VTI1A: variants seen among roughly 807,000 people sequenced by gnomAD.
The protein encoded by VTI1A is vesicle transport through interaction with t-SNAREs homolog 1A.
In VTI1A, 22 loss-of-function variants were observed where a neutral mutation model predicts 34.9. That is an observed-to-expected ratio of 0.63 (90% CI 0.45 to 0.90). The LOEUF (loss-of-function observed/expected upper bound fraction) is 0.90, where lower values mean the gene tolerates loss of function less well. VTI1A is among the 40% of genes least tolerant of loss of function. The pLI is 0.00. For missense variants in VTI1A, 268 were observed against 275.6 expected, an observed-to-expected ratio of 0.97 and a Z score of 0.20; for synonymous variants, 87 against 97.3, an observed-to-expected ratio of 0.89 and a Z score of 0.62.
chr10:112,526,982 TA>T (rs1246202205), intron 3 of VTI1A, 104 bp from the exon 4 acceptor site: 8 of 1,037,804 alleles, frequency 7.7e-6, no homozygotes, highest in Non-Finnish European at 1.1e-5. Context: ...AGGTTTCCAT[TA>T]GGGGGCTCTC....
chr10:112,737,791 A>G, intron 7 of VTI1A: 1 of 1,059,460 alleles, frequency 9.4e-7, no homozygotes, highest in Non-Finnish European at 1.1e-6. Flanking sequence ...AAAATTACAA[A>G]TTGATGATTT....
chr10:112,751,117 G>A (rs917961891), intron 7 of VTI1A, among the ~76,000 whole-genome samples: 1 of 152,144 alleles, frequency 6.6e-6, no homozygotes, highest in Non-Finnish European at 1.5e-5. Flanking sequence ...GGATATGAAG[G>A]TTCATAGTCC....
At chr10:112,827,581 G>T in the VTI1A span, 2 of 151,776 alleles carry the variant, frequency 1.3e-5, no homozygotes, top group African/African-American at 2.4e-5. Context: ...CTATTTATTT[G>T]CTTTATTCCA....
chr10:112,568,392 A>G (rs916540020), intron 5 of VTI1A, among the ~76,000 whole-genome samples: 1 of 152,084 alleles, frequency 6.6e-6, no homozygotes, highest in African/African-American at 2.4e-5. Context: ...CTGTAATCCC[A>G]GTTACTCGAG....
intron 7 of VTI1A, among the ~76,000 whole-genome samples, chr10:112,687,249 T>TTTTTTTTTA (rs1848446909): frequency 7.4e-6 from 1 of 134,484 alleles, no homozygotes; most frequent in African/African-American, 3.5e-5. Flanking sequence ...TTTTTTTTTT[T>TTTTTTTTTA]TTGAGACGGA....
At chr10:112,509,405 C>A (rs1223425747) in intron 3 of VTI1A, among the ~76,000 whole-genome samples, 1 of 151,666 alleles carries the variant, frequency 6.6e-6, no homozygotes, top group Non-Finnish European at 1.5e-5. Context: ...AGAAAGTAGC[C>A]CCAAAACTCA....
intron 7 of VTI1A, among the ~76,000 whole-genome samples, chr10:112,756,619 G>A (rs1851290954): frequency 6.6e-6 from 1 of 152,160 alleles, no homozygotes; most frequent in Non-Finnish European, 1.5e-5. Context: ...GGTACTGTTA[G>A]CTTAGTTGGA....
intron 5 of VTI1A, among the ~76,000 whole-genome samples, chr10:112,628,092 A>G (rs1845991668): frequency 6.6e-6 from 1 of 152,142 alleles, no homozygotes; most frequent in Non-Finnish European, 1.5e-5. Flanking sequence ...ACTGTCCTGT[A>G]CCTTAATTTT....
chr10:112,555,740 T>C (rs140168845), intron 5 of VTI1A, among the ~76,000 whole-genome samples: 15 of 152,160 alleles, frequency 9.9e-5, no homozygotes, highest in Middle Eastern at 3.4e-3. Context: ...TTCTTCATTA[T>C]TACCCTACTT....
chr10:112,508,552 A>G (rs1849507884), intron 3 of VTI1A, among the ~76,000 whole-genome samples: 1 of 152,224 alleles, frequency 6.6e-6, no homozygotes, highest in African/African-American at 2.4e-5. Flanking sequence ...AGCTGTGTTC[A>G]TATTGTGAGT....
chr10:112,474,399 T>C (rs1407213052), intron 3 of VTI1A, among the ~76,000 whole-genome samples: 1 of 151,774 alleles, frequency 6.6e-6, no homozygotes, highest in Non-Finnish European at 1.5e-5. Context: ...ATATATTATG[T>C]GCATGTGCAT....
intron 1 of VTI1A, among the ~76,000 whole-genome samples, chr10:112,458,162 A>T (rs145652666): frequency 1.3e-5 from 2 of 152,276 alleles, no homozygotes; most frequent in Admixed American, 1.3e-4. Flanking sequence ...TTATTTTGCT[A>T]ATGAGAAAAA....
intron 5 of VTI1A, among the ~76,000 whole-genome samples, chr10:112,647,198 A>T (rs141398463): frequency 6.6e-6 from 1 of 152,246 alleles, no homozygotes; most frequent in African/African-American, 2.4e-5. Flanking sequence ...AAACGGCTTA[A>T]CTCTCTAGCC....
intron 7 of VTI1A, among the ~76,000 whole-genome samples, chr10:112,677,425 A>G (rs776716465): frequency 6.6e-6 from 1 of 152,194 alleles, no homozygotes; most frequent in Non-Finnish European, 1.5e-5. Flanking sequence ...ATGTATTGTA[A>G]TTATTATCAA....
chr10:112,447,360 G>T lies in VTI1A; in HGVS notation c.-14G>T, dbSNP rs775988341. 1.2e-5 allele frequency: 20 copies of T among 1,611,884 alleles called. 1 individual carries two copies. The South Asian group carries it at 1.8e-4, about 14-fold the overall frequency. On this transcript the variant is annotated 5_prime_UTR_variant, in exon 1 of 8. Coordinates refer to ENST00000393077, the MANE Select transcript of VTI1A (RefSeq NM_145206.4). ...ACCTAGGCTTTGGCCTGGGCTACTC[G>T]TTCCGGAGCCGCCATGTCGTCCGAC...
At chr10:112,590,078 A>G (rs1017015008) in intron 5 of VTI1A, among the ~76,000 whole-genome samples, 4 of 152,202 alleles carry the variant, frequency 2.6e-5, no homozygotes, top group African/African-American at 4.8e-5. Flanking sequence ...AGATGAACTC[A>G]GTAACTGAAC....
At chr10:112,485,472 C>G (rs1339107913) in intron 3 of VTI1A, among the ~76,000 whole-genome samples, 3 of 152,174 alleles carry the variant, frequency 2.0e-5, no homozygotes, top group Admixed American at 2.0e-4. Context: ...CCCCGTAGTC[C>G]TTATTTACCT....
At chr10:112,635,878 G>A (rs1846335901) in intron 5 of VTI1A, among the ~76,000 whole-genome samples, 1 of 152,182 alleles carries the variant, frequency 6.6e-6, no homozygotes. Context: ...CTGAATTTAA[G>A]GGATGAGTGA....
chr10:112,456,408 T>A (rs1589787972), intron 1 of VTI1A, among the ~76,000 whole-genome samples: 1 of 116,224 alleles, frequency 8.6e-6, no homozygotes, highest in Non-Finnish European at 1.7e-5. Flanking sequence ...GGTGACAAAG[T>A]GAGAGTCCAT....
Sources: gnomAD v4.1 joint callset for allele counts (sites outside exome capture counted in the v4.1 genomes callset) on GRCh38, gnomAD v4.1.1 for gene constraint, MANE v1.5 for transcripts, NCBI Gene and HGNC (gene_info 2026-07-23, HGNC 2026-07-21) for gene names.